The following COLEC12 variants were observed in gnomAD, a reference collection of about 807,000 sequenced individuals.
COLEC12 encodes collectin-12.
A neutral mutation model predicts 71.1 loss-of-function variants in COLEC12; 33 were observed. That is an observed-to-expected ratio of 0.46 (90% CI 0.35 to 0.62). The LOEUF (loss-of-function observed/expected upper bound fraction) is 0.62. Ranked by LOEUF, COLEC12 falls within the 20% of genes least tolerant of loss-of-function variation. The pLI, the probability that COLEC12 is intolerant of heterozygous loss-of-function variation, is 0.00. For missense variants in COLEC12, 765 were observed against 916.1 expected, an observed-to-expected ratio of 0.84 and a Z score of 2.13; for synonymous variants, 350 against 353.0, an observed-to-expected ratio of 0.99 and a Z score of 0.10.
chr18:447,847 T>C (rs1916683080), intron 2 of COLEC12, among the ~76,000 whole-genome samples: 1 of 152,216 alleles, frequency 6.6e-6, no homozygotes. Context: ...CAAGAATATA[T>C]CAAGAATATA....
intron 2 of COLEC12, among the ~76,000 whole-genome samples, chr18:433,473 C>T (rs1916344451): frequency 6.6e-6 from 1 of 152,060 alleles, no homozygotes; most frequent in African/African-American, 2.4e-5. Context: ...GTACTACTGC[C>T]AGTTTTTTCT....
At position 381,565 on chromosome 18, in the gene COLEC12, C is replaced by G. The variant is rs897815239; in HGVS notation, c.59-24043G>C. 3.9e-5 allele frequency among the ~76,000 whole-genome samples: 6 copies of G among 152,118 alleles called. No individual in the cohort carries two copies. In the South Asian group the frequency reaches 6.2e-4, roughly 16 times the overall value. On this transcript the variant is annotated intron_variant, in intron 2 of 9. Transcript: ENST00000400256. ...TTGGTGGGAATATAAGTTGTTATAA[C>G]CTTTTTGGAGGGCAACCAAAATTTT... is the stretch of plus-strand genomic sequence containing the variant.
chr18:419,148 C>CTTCTATTCTA (rs57522856), intron 2 of COLEC12, among the ~76,000 whole-genome samples: 3,764 of 145,456 alleles, frequency 0.026, 66 homozygotes, highest in African/African-American at 0.042. Context: ...AGGCATCATA[C>CTTCTATTCTA]TTCTATTCTA....
intron 2 of COLEC12, among the ~76,000 whole-genome samples, chr18:364,279 C>T (rs1339055090): frequency 1.3e-5 from 2 of 152,208 alleles, no homozygotes; most frequent in African/African-American, 4.8e-5. Context: ...AACGGTCCCA[C>T]TCAGAGTATG....
At chr18:335,895 C>G (rs1417664821) in intron 5 of COLEC12, among the ~76,000 whole-genome samples, 1 of 152,172 alleles carries the variant, frequency 6.6e-6, no homozygotes, top group Admixed American at 6.5e-5. Flanking sequence ...CAGCCAGGGG[C>G]TTATTCTTCA....
intron 2 of COLEC12, among the ~76,000 whole-genome samples, chr18:403,659 T>A (rs551923011): frequency 4.6e-5 from 7 of 152,354 alleles, no homozygotes; most frequent in African/African-American, 1.7e-4. Flanking sequence ...AAAAGATAAA[T>A]GGAATTGGTT....
At chr18:498,722 G>C (rs187935812) in intron 1 of COLEC12, among the ~76,000 whole-genome samples, 1 of 152,090 alleles carries the variant, frequency 6.6e-6, no homozygotes, top group Non-Finnish European at 1.5e-5. Flanking sequence ...GGATTCACCA[G>C]TCCGTCCCTC....
rs1488074210 is a variant in COLEC12, at chr18:500,463, C to T, written c.7+45G>A. 1 of 1,219,288 alleles carries T rather than the reference C, an allele frequency of 8.2e-7. No individual in the cohort carries two copies. Among genetic ancestry groups the T allele is most frequent in the African/African-American group, 1.6e-5 (1 of 63,638 alleles). 75.5% of individuals were successfully genotyped at this position (1,219,288 alleles called of 1,614,324 possible). ...CCGTGGCCTCCCGCGCGCCCCGAAG[C>T]CCGTTCCCCCCGCCCAGAGCCCCGC... On this transcript the variant is annotated intron_variant, in intron 1 of 9. Coordinates refer to ENST00000400256, the MANE Select transcript of COLEC12 (RefSeq NM_130386.3). This position sits in a 1 kb window ranked among gnomAD's most constrained non-coding sequence, Gnocchi z 5.3.
At chr18:473,980 A>T (rs1472113645) in intron 2 of COLEC12, among the ~76,000 whole-genome samples, 1 of 152,220 alleles carries the variant, frequency 6.6e-6, no homozygotes, top group Non-Finnish European at 1.5e-5. Flanking sequence ...AGGAGGAGTT[A>T]TACTTTAAAT....
chr18:401,567 C>T (rs1384688920), intron 2 of COLEC12, among the ~76,000 whole-genome samples: 1 of 152,208 alleles, frequency 6.6e-6, no homozygotes, highest in Admixed American at 6.5e-5. Flanking sequence ...GTCCTTAGTG[C>T]TCAGCGACTG....
chr18:474,594 T>C (rs1244364339), intron 2 of COLEC12, among the ~76,000 whole-genome samples: 2 of 152,080 alleles, frequency 1.3e-5, no homozygotes, highest in Admixed American at 1.3e-4. Flanking sequence ...CTCCTCAGTT[T>C]ATATAAAAAG....
intron 2 of COLEC12, among the ~76,000 whole-genome samples, chr18:433,067 C>T (rs942539213): frequency 6.6e-6 from 1 of 152,178 alleles, no homozygotes; most frequent in Non-Finnish European, 1.5e-5. Flanking sequence ...GCAGAACTGA[C>T]TATCTTGAGA....
chr18:323,685 A>C (rs1913769173), intron 8 of COLEC12, among the ~76,000 whole-genome samples: 1 of 152,226 alleles, frequency 6.6e-6, no homozygotes, highest in Admixed American at 6.5e-5. Flanking sequence ...CATTTCTGCC[A>C]GTAATATGGG....
intron 5 of COLEC12, among the ~76,000 whole-genome samples, chr18:343,858 T>A (rs948582644): frequency 1.3e-5 from 2 of 152,202 alleles, no homozygotes; most frequent in Non-Finnish European, 2.9e-5. Flanking sequence ...GCTGTCAGGA[T>A]TCATTGGGAC....
intron 2 of COLEC12, among the ~76,000 whole-genome samples, chr18:376,193 G>T (rs1008796971): frequency 1.3e-5 from 2 of 152,166 alleles, no homozygotes. Flanking sequence ...TCCACCCCAG[G>T]GGGTGGGAAG....
At chr18:404,938 C>A (rs931106577) in intron 2 of COLEC12, among the ~76,000 whole-genome samples, 5 of 152,268 alleles carry the variant, frequency 3.3e-5, no homozygotes, top group Non-Finnish European at 1.5e-5. Flanking sequence ...ATGCTAAATT[C>A]TTTTCCTAGC....
chr18:416,196 GT>G (rs1340946068), intron 2 of COLEC12, among the ~76,000 whole-genome samples: 2 of 152,122 alleles, frequency 1.3e-5, no homozygotes, highest in Non-Finnish European at 2.9e-5. Flanking sequence ...CATTTTACAA[GT>G]GTTGACACCC....
chr18:492,135 T>C (rs1310182209), intron 1 of COLEC12, among the ~76,000 whole-genome samples: 2 of 152,226 alleles, frequency 1.3e-5, no homozygotes, highest in Non-Finnish European at 1.5e-5. Flanking sequence ...GAGATTCATT[T>C]TGATTACTCA....
rs1184348370 is a variant in COLEC12, at chr18:399,871, T to G, written c.59-42349A>C. 6.6e-6 allele frequency among the ~76,000 whole-genome samples: 1 copy of G among 152,122 alleles called. No individual in the cohort carries two copies. Among genetic ancestry groups the G allele is most frequent in the East Asian group, 1.9e-4 (1 of 5,194 alleles). The stretch of plus-strand genomic sequence containing the variant: ...ATTTTCATCTGCTTCACAGTTTGCT[T>G]GGGACTAGCCCAGCTTCTAACAGCC... On this transcript the variant is annotated intron_variant, in intron 2 of 9. Transcript: ENST00000400256. The surrounding 1 kb of genome is among the most constrained non-coding windows in gnomAD (Gnocchi z 4.0).
Sources: gnomAD v4.1 joint callset for allele counts (sites outside exome capture counted in the v4.1 genomes callset) on GRCh38, gnomAD v4.1.1 for gene constraint, Gnocchi (gnomAD v3.1) non-coding constraint, MANE v1.5 for transcripts, NCBI Gene and HGNC (gene_info 2026-07-23, HGNC 2026-07-21) for gene names.